Variants in CACNG3 observed in about 807,000 individuals in gnomAD.
CACNG3 encodes the protein calcium voltage-gated channel auxiliary subunit gamma 3, also known as voltage-dependent calcium channel gamma-3 subunit.
CACNG3 carries 3 observed loss-of-function variants against 28.5 expected under a neutral mutation model. The ratio of observed to expected loss-of-function variants is 0.11; its 90% CI spans 0.05 to 0.27. The LOEUF (loss-of-function observed/expected upper bound fraction) is 0.27, where lower values mean the gene tolerates loss of function less well. CACNG3 is among the 10% of genes least tolerant of loss of function. CACNG3 has a pLI of 1.00. For missense variants in CACNG3, 236 were observed against 414.4 expected (o/e 0.57, Z 3.74); for synonymous variants, 174 against 162.2 (o/e 1.07, Z -0.55).
chr16:24,303,089 T>C (rs1260106641), intron 1 of CACNG3, among the ~76,000 whole-genome samples: 4 of 151,960 alleles, frequency 2.6e-5, no homozygotes, highest in Admixed American at 2.6e-4. Context: ...CCACCGCACA[T>C]GGCCTAATAT....
intron 1 of CACNG3, among the ~76,000 whole-genome samples, chr16:24,280,982 G>A (rs1004432007): frequency 6.7e-6 from 1 of 149,270 alleles, no homozygotes; most frequent in Non-Finnish European, 1.5e-5. Flanking sequence ...TAAGAATGGG[G>A]AGACAGAAAG....
At chr16:24,293,528 A>T (rs536816372) in intron 1 of CACNG3, among the ~76,000 whole-genome samples, 4 of 152,134 alleles carry the variant, frequency 2.6e-5, no homozygotes, top group Non-Finnish European at 4.4e-5. Context: ...AATGGATAAC[A>T]ATAAGGTTCT....
intron 1 of CACNG3, among the ~76,000 whole-genome samples, chr16:24,340,307 A>G (rs1046880307): frequency 6.6e-6 from 1 of 152,178 alleles, no homozygotes; most frequent in African/African-American, 2.4e-5. Context: ...CTGAGGTAGG[A>G]GGATCACTTG....
At chr16:24,277,521 T>C (rs1278193504) in intron 1 of CACNG3, among the ~76,000 whole-genome samples, 2 of 152,152 alleles carry the variant, frequency 1.3e-5, no homozygotes, top group African/African-American at 4.8e-5. Context: ...ACACCCGTGA[T>C]CCCAGCACTT....
chr16:24,355,641 A>C (rs9934500), intron 3 of CACNG3, among the ~76,000 whole-genome samples: 41,034 of 152,094 alleles, frequency 0.27, 6,403 homozygotes, highest in South Asian at 0.48. Flanking sequence ...TCACTTGGGC[A>C]TGTTAATATA....
intron 1 of CACNG3, among the ~76,000 whole-genome samples, chr16:24,292,960 A>C (rs1898984460): frequency 6.6e-6 from 1 of 152,222 alleles, no homozygotes; most frequent in Non-Finnish European, 1.5e-5. Context: ...GAATTTGATG[A>C]GATTGGAAAG....
chr16:24,315,291 G>A (rs2141366674), intron 1 of CACNG3, among the ~76,000 whole-genome samples: 1 of 152,218 alleles, frequency 6.6e-6, no homozygotes. Context: ...GCAGGGGGAA[G>A]GGTCTCCTCC....
chr16:24,342,635 A>C (rs1042144516), intron 1 of CACNG3, among the ~76,000 whole-genome samples: 4 of 152,080 alleles, frequency 2.6e-5, no homozygotes, highest in African/African-American at 9.7e-5. Flanking sequence ...AACATGTTTT[A>C]TTTTCTTTTG....
chr16:24,348,614 T>C (rs117919669), intron 2 of CACNG3, among the ~76,000 whole-genome samples: 1 of 152,244 alleles, frequency 6.6e-6, no homozygotes, highest in East Asian at 1.9e-4. Context: ...GTTGTTTTCT[T>C]TTCTCACCCC....
intron 1 of CACNG3, among the ~76,000 whole-genome samples, chr16:24,285,616 G>A (rs1481722843): frequency 1.3e-5 from 2 of 152,054 alleles, no homozygotes; most frequent in African/African-American, 4.8e-5. Context: ...AGGAGTTCAA[G>A]TCTAGCCTGG....
chr16:24,266,965 TTTC>T (rs2141345591), intron 1 of CACNG3, among the ~76,000 whole-genome samples: 1 of 149,910 alleles, frequency 6.7e-6, no homozygotes, highest in Non-Finnish European at 1.5e-5. Flanking sequence ...TTATTTTTAA[TTTC>T]TTTTTTTTTT....
At chr16:24,306,527 G>A (rs748784729) in intron 1 of CACNG3, among the ~76,000 whole-genome samples, 18 of 151,934 alleles carry the variant, frequency 1.2e-4, no homozygotes, top group Middle Eastern at 3.2e-3. Context: ...TATCTCCTTC[G>A]CCCACTTCTT....
chr16:24,301,253 G>T (rs1899106847), intron 1 of CACNG3, among the ~76,000 whole-genome samples: 1 of 150,388 alleles, frequency 6.6e-6, no homozygotes, highest in African/African-American at 2.4e-5. Context: ...GGGGATCCAT[G>T]AATATCTTTT....
intron 1 of CACNG3, among the ~76,000 whole-genome samples, chr16:24,257,382 AGAGAGAGAGAG>A (rs1567427560): frequency 5.7e-5 from 4 of 69,706 alleles, no homozygotes; most frequent in Non-Finnish European, 8.5e-5. Context: ...AGAGAGAGAG[AGAGAGAGAGAG>A]AGAGAGAGAG....
At chr16:24,306,661 C>T (rs981869437) in intron 1 of CACNG3, among the ~76,000 whole-genome samples, 18 of 152,194 alleles carry the variant, frequency 1.2e-4, no homozygotes, top group Non-Finnish European at 2.6e-4. Context: ...CACATACACA[C>T]ACCCTACAGT....
At chr16:24,286,861 C>T (rs1170871046) in intron 1 of CACNG3, among the ~76,000 whole-genome samples, 1 of 152,186 alleles carries the variant, frequency 6.6e-6, no homozygotes, top group Non-Finnish European at 1.5e-5. Flanking sequence ...GGGATTTCCT[C>T]CAAGGATACC....
chr16:24,347,507 T>G (rs1838800255), intron 2 of CACNG3, among the ~76,000 whole-genome samples: 1 of 152,158 alleles, frequency 6.6e-6, no homozygotes, highest in Non-Finnish European at 1.5e-5. Context: ...AGTTTTCACT[T>G]TCCCAGGAGG....
chr16:24,347,349 A>C (rs1303488880), intron 2 of CACNG3, among the ~76,000 whole-genome samples: 2 of 151,928 alleles, frequency 1.3e-5, no homozygotes, highest in Admixed American at 6.6e-5. Context: ...AGAAAAGGAG[A>C]ATGAGAATGA....
rs1348297476 is a variant in CACNG3 at position 24,354,981 on chromosome 16, T to C, written c.436+8T>C. On this transcript the variant is annotated splice_region_variant and intron_variant, in intron 3 of 3. Coordinates refer to ENST00000005284, the MANE Select transcript of CACNG3 (RefSeq NM_006539.4). Reference sequence around the variant, plus strand: ...TCTTTTTTGTCTCTGCAGGTGAGTGTCTGGCCCCAGCCCTGAGATCTTCAC... The same window carrying C: ...TCTTTTTTGTCTCTGCAGGTGAGTGCCTGGCCCCAGCCCTGAGATCTTCAC... 1.9e-6 allele frequency: 3 copies of C among 1,609,894 alleles called. No homozygotes were observed. In the East Asian group the frequency reaches 6.7e-5, roughly 36 times the overall value.
Sources: gnomAD v4.1 joint callset for allele counts (sites outside exome capture counted in the v4.1 genomes callset) on GRCh38, gnomAD v4.1.1 for gene constraint, MANE v1.5 for transcripts, NCBI Gene and HGNC (gene_info 2026-07-23, HGNC 2026-07-21) for gene names.